Variants in LINGO2 observed in about 807,000 individuals in gnomAD.
LINGO2 encodes the protein leucine rich repeat and Ig domain containing 2.
Under a neutral mutation model 30.6 loss-of-function variants are expected in LINGO2, and 14 were observed. That is an observed-to-expected ratio of 0.46 (90% confidence interval 0.30 to 0.72). The LOEUF (loss-of-function observed/expected upper bound fraction) is 0.72. Among genes scored for constraint, LINGO2 ranks in the 30% least tolerant of loss-of-function variants. LINGO2 has a pLI of 0.07. For synonymous variants in LINGO2, 317 were observed against 288.5 expected (o/e 1.10, Z -1.00); for missense variants, 729 against 751.7 (o/e 0.97, Z 0.35).
chr9:28,303,622 A>G (rs1191262812), intron 3 of LINGO2, among the ~76,000 whole-genome samples: 1 of 152,172 alleles, frequency 6.6e-6, no homozygotes, highest in Admixed American at 6.6e-5. Flanking sequence ...TGTGTGCTCT[A>G]TTTATTAAAT....
chr9:28,588,784 C>G (rs1037540048), intron 1 of LINGO2, among the ~76,000 whole-genome samples: 1 of 151,986 alleles, frequency 6.6e-6, no homozygotes, highest in Non-Finnish European at 1.5e-5. Flanking sequence ...AGGACAGGTA[C>G]AGATATTACT....
the LINGO2 span, among the ~76,000 whole-genome samples, chr9:28,798,791 C>G: frequency 6.6e-6 from 1 of 151,778 alleles, no homozygotes; most frequent in Non-Finnish European, 1.5e-5. Context: ...CAAGCAAAAG[C>G]AAGTGAATGG....
chr9:28,406,257 G>A (rs558245772), intron 2 of LINGO2, among the ~76,000 whole-genome samples: 27 of 152,164 alleles, frequency 1.8e-4, no homozygotes, highest in African/African-American at 6.3e-4. Flanking sequence ...CCAACATGGT[G>A]AAACCCCATG....
Position 28,511,304 on chromosome 9 carries a change from C to G in LINGO2, c.-364-35279G>C, listed in dbSNP as rs1027036633. ...CATGATGGAAGAGGTCCAATATAAT[C>G]AACCTGCCACCAGGTAGCTGACTGA... On this transcript the variant is annotated intron_variant, in intron 1 of 5. Coordinates refer to ENST00000379992, the Ensembl canonical transcript of LINGO2. 5.9e-5 allele frequency among the ~76,000 whole-genome samples: 9 copies of G among 152,302 alleles called. No homozygotes were observed. In the East Asian group the frequency reaches 1.4e-3, roughly 23 times the overall value.
intron 1 of LINGO2, among the ~76,000 whole-genome samples, chr9:28,613,674 T>C (rs1826013421): frequency 6.6e-6 from 1 of 152,124 alleles, no homozygotes; most frequent in African/African-American, 2.4e-5. Flanking sequence ...GGGAATATAC[T>C]CACACAAGGG....
chr9:28,713,873 TG>T, the LINGO2 span, among the ~76,000 whole-genome samples: 1 of 152,050 alleles, frequency 6.6e-6, no homozygotes, highest in East Asian at 1.9e-4. Context: ...ATATCTCCAC[TG>T]GGGCTGGGCA....
intron 4 of LINGO2, among the ~76,000 whole-genome samples, chr9:28,158,293 C>T (rs906639603): frequency 5.3e-5 from 8 of 152,080 alleles, no homozygotes; most frequent in African/African-American, 1.7e-4. Flanking sequence ...AAAGGCTTGC[C>T]CCTATGACTC....
At chr9:28,616,999 G>T (rs984485870) in intron 1 of LINGO2, among the ~76,000 whole-genome samples, 1 of 151,990 alleles carries the variant, frequency 6.6e-6, no homozygotes, top group Non-Finnish European at 1.5e-5. Flanking sequence ...CACTTAAGAG[G>T]TATTTTCCTT....
At chr9:28,910,459 T>A in the LINGO2 span, among the ~76,000 whole-genome samples, 2 of 152,076 alleles carry the variant, frequency 1.3e-5, no homozygotes, top group African/African-American at 2.4e-5. Context: ...CTGATAATGT[T>A]TGGCTCTGTG....
the LINGO2 span, among the ~76,000 whole-genome samples, chr9:29,112,760 C>T: frequency 6.6e-6 from 1 of 152,150 alleles, no homozygotes. Flanking sequence ...TATTCCTCTC[C>T]ATGATAAATA....
chr9:28,251,321 T>C (rs1223358102), intron 4 of LINGO2, among the ~76,000 whole-genome samples: 2 of 152,156 alleles, frequency 1.3e-5, no homozygotes, highest in Admixed American at 1.3e-4. Context: ...TAGAGAAGGG[T>C]AGGAACCTAA....
At chr9:28,769,502 ATATATATATATATATATTTTTTTTTTTT>A in the LINGO2 span, among the ~76,000 whole-genome samples, 67 of 4,582 alleles carry the variant, frequency 0.015, 15 homozygotes, top group Non-Finnish European at 0.018. Context: ...ATATATATAT[ATATATATATATATATATTTTTTTTTTTT>A]TTTTTTTTTT....
chr9:28,878,392 C>T, the LINGO2 span, among the ~76,000 whole-genome samples: 298 of 152,164 alleles, frequency 2.0e-3, 1 homozygote, highest in African/African-American at 7.0e-3. Context: ...GATTCACAGC[C>T]GAATTCTACC....
At chr9:28,799,636 G>A in the LINGO2 span, among the ~76,000 whole-genome samples, 1 of 152,132 alleles carries the variant, frequency 6.6e-6, no homozygotes, top group East Asian at 1.9e-4. Flanking sequence ...AGTGACCTCT[G>A]AGGCCTGAGT....
chr9:28,267,300 C>T (rs1190774578), intron 4 of LINGO2, among the ~76,000 whole-genome samples: 2 of 151,750 alleles, frequency 1.3e-5, no homozygotes, highest in Non-Finnish European at 2.9e-5. Context: ...AAATCTTTTC[C>T]AGTCTTTATT....
chr9:28,414,405 T>C (rs1822890911), intron 2 of LINGO2, among the ~76,000 whole-genome samples: 2 of 152,084 alleles, frequency 1.3e-5, no homozygotes, highest in South Asian at 4.1e-4. Flanking sequence ...TAAACAAATT[T>C]TAACACATAT....
At chr9:28,706,546 G>A in the LINGO2 span, among the ~76,000 whole-genome samples, 4 of 152,204 alleles carry the variant, frequency 2.6e-5, no homozygotes, top group South Asian at 4.1e-4. Flanking sequence ...ATTTTTGCCA[G>A]CTAAAACTTT....
chr9:28,978,229 G>A, the LINGO2 span, among the ~76,000 whole-genome samples: 2 of 152,100 alleles, frequency 1.3e-5, no homozygotes, highest in Non-Finnish European at 2.9e-5. Flanking sequence ...ATATTAGAAT[G>A]AGTTATTAAG....
At chr9:28,980,227 G>C in the LINGO2 span, among the ~76,000 whole-genome samples, 1 of 151,932 alleles carries the variant, frequency 6.6e-6, no homozygotes, top group East Asian at 1.9e-4. Flanking sequence ...GCTTCATAAT[G>C]ACCACATAGG....
Sources: gnomAD v4.1 joint callset for allele counts (sites outside exome capture counted in the v4.1 genomes callset) on GRCh38, gnomAD v4.1.1 for gene constraint, MANE v1.5 for transcripts, NCBI Gene and HGNC (gene_info 2026-07-23, HGNC 2026-07-21) for gene names.